The following DHRSX variants were observed in gnomAD, a reference collection of about 807,000 sequenced individuals.
The protein encoded by DHRSX is dehydrogenase/reductase X-linked, also known as polyprenol dehydrogenase.
In DHRSX, 31 loss-of-function variants were observed where a neutral mutation model predicts 34.0. That is an observed-to-expected ratio of 0.91 (90% CI 0.69 to 1.23). DHRSX has a LOEUF of 1.23. Ranked by LOEUF, DHRSX falls within the 50% of genes most tolerant of loss-of-function variation. DHRSX has a pLI of 0.00. For synonymous variants in DHRSX, 201 were observed against 183.8 expected (o/e 1.09, Z -0.76); for missense variants, 414 against 428.1 (o/e 0.97, Z 0.29).
chrX:2,495,050 T>G (rs1439162797), intron 1 of DHRSX, among the ~76,000 whole-genome samples: 1 of 151,298 alleles, frequency 6.6e-6, no homozygotes, highest in African/African-American at 2.4e-5. Context: ...TCTATTGTCA[T>G]TATTATTATT....
chrX:2,470,488 G>A (rs1312512657), intron 1 of DHRSX, among the ~76,000 whole-genome samples: 3 of 151,834 alleles, frequency 2.0e-5, no homozygotes, highest in East Asian at 1.9e-4. Context: ...CAGGAGGATC[G>A]CTTTAGCCCA....
chrX:2,468,357 G>A (rs1446861477), intron 1 of DHRSX, among the ~76,000 whole-genome samples: 1 of 152,218 alleles, frequency 6.6e-6, no homozygotes, highest in Non-Finnish European at 1.5e-5. Flanking sequence ...GCCACTTGCA[G>A]AGAGGAGCAG....
At chrX:2,307,846 C>T (rs922162191) in intron 3 of DHRSX, among the ~76,000 whole-genome samples, 2 of 151,212 alleles carry the variant, frequency 1.3e-5, no homozygotes, top group Non-Finnish European at 3.0e-5. Flanking sequence ...TTCAAGCCCA[C>T]TGGACCAAGA....
At chrX:2,243,796 T>TTTTGTTTG (rs1556430346) in intron 5 of DHRSX, among the ~76,000 whole-genome samples, 27 of 66,628 alleles carry the variant, frequency 4.1e-4, no homozygotes, top group African/African-American at 2.3e-3. Flanking sequence ...CTGTTTTTTT[T>TTTTGTTTG]TTTTTTTTTT....
chrX:2,466,528 TA>T (rs2044498815), intron 1 of DHRSX, among the ~76,000 whole-genome samples: 1 of 152,030 alleles, frequency 6.6e-6, no homozygotes, highest in Admixed American at 6.6e-5. Context: ...CAAACTCACG[TA>T]GGAAAAGAAA....
At chrX:2,242,944 T>G in intron 6 of DHRSX, 79 bp downstream of exon 6, 4 of 1,397,066 alleles carry the variant, frequency 2.9e-6, no homozygotes, top group Non-Finnish European at 3.0e-6. Context: ...GAACCCTCCC[T>G]TGGGGTCTGG....
At chrX:2,303,323 G>A (rs2042035844) in intron 3 of DHRSX, among the ~76,000 whole-genome samples, 1 of 152,094 alleles carries the variant, frequency 6.6e-6, no homozygotes, top group African/African-American at 2.4e-5. Flanking sequence ...AGTGGCCTGG[G>A]GAGAGGTGAT....
intron 1 of DHRSX, among the ~76,000 whole-genome samples, chrX:2,434,069 C>T (rs764534548): frequency 1.4e-4 from 21 of 152,248 alleles, no homozygotes; most frequent in Non-Finnish European, 2.6e-4. Flanking sequence ...TGAGCCACCG[C>T]GCCCGGTCTA....
intron 3 of DHRSX, among the ~76,000 whole-genome samples, chrX:2,401,283 A>C (rs147850248): frequency 6.6e-6 from 1 of 151,910 alleles, no homozygotes; most frequent in Non-Finnish European, 1.5e-5. Context: ...ACTAACATTT[A>C]TATTTTTAGT....
intron 3 of DHRSX, among the ~76,000 whole-genome samples, chrX:2,370,331 C>T (rs2043042308): frequency 6.6e-6 from 1 of 151,972 alleles, no homozygotes; most frequent in Non-Finnish European, 1.5e-5. Context: ...GCCACCATGC[C>T]CGGCTAATTT....
chrX:2,320,291 T>G (rs1342345606), intron 3 of DHRSX, among the ~76,000 whole-genome samples: 1 of 119,328 alleles, frequency 8.4e-6, no homozygotes, highest in Non-Finnish European at 1.8e-5. Context: ...ATGTGGACTT[T>G]TCTTTTCTTT....
At chrX:2,267,002 C>G (rs1343971067) in intron 4 of DHRSX, 55 bp from the exon 5 acceptor site, 1 of 1,575,788 alleles carries the variant, frequency 6.3e-7, no homozygotes, top group Non-Finnish European at 8.7e-7. Context: ...GTGGAGAAAT[C>G]TCACAGATGG....
intron 3 of DHRSX, among the ~76,000 whole-genome samples, chrX:2,330,304 C>T (rs1345432611): frequency 2.6e-5 from 4 of 151,508 alleles, no homozygotes; most frequent in Admixed American, 1.3e-4. Context: ...AGGTGGATCA[C>T]GAGGTCAGGA....
intron 3 of DHRSX, among the ~76,000 whole-genome samples, chrX:2,371,900 A>G (rs2043077276): frequency 6.6e-6 from 1 of 152,200 alleles, no homozygotes; most frequent in African/African-American, 2.4e-5. Context: ...GCTGCAGAGT[A>G]GCACTCTCTG....
At chrX:2,401,089 A>C (rs2043479668) in intron 3 of DHRSX, among the ~76,000 whole-genome samples, 1 of 149,886 alleles carries the variant, frequency 6.7e-6, no homozygotes, top group Non-Finnish European at 1.5e-5. Context: ...AAGCTACTGG[A>C]AGAATAATAT....
intron 5 of DHRSX, among the ~76,000 whole-genome samples, chrX:2,264,473 A>G (rs1402821280): frequency 4.0e-5 from 6 of 151,066 alleles, no homozygotes; most frequent in Non-Finnish European, 7.4e-5. Context: ...AGACGCAGAG[A>G]GCACCGTGCC....
intron 2 of DHRSX, among the ~76,000 whole-genome samples, chrX:2,415,662 C>A (rs2043684105): frequency 6.6e-6 from 1 of 150,498 alleles, no homozygotes; most frequent in African/African-American, 2.4e-5. Flanking sequence ...CCCAACTAAA[C>A]CTCATCATAA....
intron 1 of DHRSX, among the ~76,000 whole-genome samples, chrX:2,452,832 T>C (rs1342785560): frequency 6.6e-6 from 1 of 152,210 alleles, no homozygotes; most frequent in Non-Finnish European, 1.5e-5. Context: ...AAAGGTCCAG[T>C]CATGGGCCTG....
chrX:2,480,009 C>T (rs1348514787), intron 1 of DHRSX, among the ~76,000 whole-genome samples: 5 of 152,130 alleles, frequency 3.3e-5, no homozygotes, highest in Admixed American at 1.3e-4. Context: ...GTCATCCCAC[C>T]GCTTGGTGTG....
Sources: allele counts gnomAD v4.1 joint callset (sites outside exome capture counted in the v4.1 genomes callset), GRCh38; gene constraint gnomAD v4.1.1; transcripts MANE v1.5; gene names NCBI Gene and HGNC (gene_info 2026-07-23, HGNC 2026-07-21).